DNAI3: variants seen among roughly 807,000 people sequenced by gnomAD.
The protein encoded by DNAI3 is dynein axonemal intermediate chain 3, also known as WD repeat domain 63.
In DNAI3, 83 loss-of-function variants were observed where a neutral mutation model predicts 115.5. The observed-to-expected ratio is 0.72, with a 90% CI of 0.60 to 0.86. The LOEUF is 0.86. Among genes scored for constraint, DNAI3 ranks in the 40% least tolerant of loss-of-function variants. The pLI is 0.00. For synonymous variants in DNAI3, 320 were observed against 347.0 expected, an observed-to-expected ratio of 0.92 and a Z score of 0.86; for missense variants, 1,004 against 1,075.8, an observed-to-expected ratio of 0.93 and a Z score of 0.93.
At chr1:85,125,952 T>G (rs1303492766) in intron 19 of DNAI3, among the ~76,000 whole-genome samples, 1 of 152,206 alleles carries the variant, frequency 6.6e-6, no homozygotes, top group Non-Finnish European at 1.5e-5. Context: ...GCTTTGATGG[T>G]CTAAAATCTC....
At chr1:85,088,279 G>A (rs2100574672) in intron 7 of DNAI3, among the ~76,000 whole-genome samples, 1 of 152,178 alleles carries the variant, frequency 6.6e-6, no homozygotes, top group East Asian at 1.9e-4. Context: ...TAATAATATT[G>A]GCAGTGTTCC....
chr1:85,130,140 G>A (rs767695803), intron 22 of DNAI3, 28 bp downstream of exon 22: 2 of 1,612,072 alleles, frequency 1.2e-6, no homozygotes, highest in Non-Finnish European at 1.7e-6. Context: ...AATGAAAGAT[G>A]TTTTCCTCGA....
intron 10 of DNAI3, among the ~76,000 whole-genome samples, chr1:85,094,981 T>C (rs1655084013): frequency 6.6e-6 from 1 of 152,194 alleles, no homozygotes; most frequent in South Asian, 2.1e-4. Context: ...ATTATCCATC[T>C]CTAGGCTGGC....
At chr1:85,129,917 T>C in intron 21 of DNAI3, 73 bp from the exon 22 acceptor site, 1 of 1,506,550 alleles carries the variant, frequency 6.6e-7, no homozygotes, top group Non-Finnish European at 8.9e-7. Flanking sequence ...GCAGCAGAAA[T>C]TCTAACAGAG....
At chr1:85,108,756 C>G (rs902162087) in intron 15 of DNAI3, among the ~76,000 whole-genome samples, 2 of 152,130 alleles carry the variant, frequency 1.3e-5, no homozygotes, top group Non-Finnish European at 2.9e-5. Flanking sequence ...GGTTTTTCAA[C>G]CTTTGCCTCC....
intron 7 of DNAI3, among the ~76,000 whole-genome samples, chr1:85,088,818 C>T (rs1053294423): frequency 6.6e-6 from 1 of 152,056 alleles, no homozygotes; most frequent in African/African-American, 2.4e-5. Context: ...GATAAAACCA[C>T]CAAGCAATAT....
At chr1:85,110,022 A>G (rs1330493074) in intron 15 of DNAI3, 26 bp from the exon 16 acceptor site, 17 of 1,601,106 alleles carry the variant, frequency 1.1e-5, no homozygotes, top group Non-Finnish European at 1.4e-5. Flanking sequence ...TGTGGAAATA[A>G]TCTTTGCTAT....
intron 11 of DNAI3, among the ~76,000 whole-genome samples, chr1:85,097,327 A>T (rs931857945): frequency 2.0e-5 from 3 of 152,180 alleles, no homozygotes; most frequent in African/African-American, 7.2e-5. Flanking sequence ...TGGATTTTTT[A>T]AAAATACTGG....
At chr1:85,121,615 T>C in intron 17 of DNAI3, 136 bp from the exon 18 acceptor site, 1 of 741,616 alleles carries the variant, frequency 1.3e-6, no homozygotes, top group East Asian at 2.7e-5. Context: ...TCTCCCCCAC[T>C]GGATCAAATT....
intron 7 of DNAI3, among the ~76,000 whole-genome samples, chr1:85,087,265 G>A (rs545778583): frequency 2.6e-5 from 4 of 151,670 alleles, no homozygotes; most frequent in Non-Finnish European, 4.4e-5. Flanking sequence ...GTGAAACCCC[G>A]TCTTTACTAA....
chr1:85,078,349 A>G (rs1437116055), intron 3 of DNAI3, among the ~76,000 whole-genome samples: 1 of 152,244 alleles, frequency 6.6e-6, no homozygotes, highest in Non-Finnish European at 1.5e-5. Context: ...AAATGAGTTA[A>G]TAATACACAT....
chr1:85,074,086 C>G (rs1654373430), intron 3 of DNAI3, among the ~76,000 whole-genome samples: 1 of 152,142 alleles, frequency 6.6e-6, no homozygotes, highest in South Asian at 2.1e-4. Flanking sequence ...CCACACCTCC[C>G]TACCCCTTTC....
At position 85,094,091 on chromosome 1, in the gene DNAI3, G is replaced by C. The variant is rs191820511; in HGVS notation, c.1049-340G>C. 296 of 407,434 alleles carry C rather than the reference G, an allele frequency of 7.3e-4. 1 individual carries two copies. Among genetic ancestry groups the C allele is most frequent in the Admixed American group, 2.9e-3 (83 of 28,214 alleles). 25.2% of individuals were successfully genotyped at this position (407,434 alleles called of 1,614,324 possible). A position where few individuals can be genotyped will look rare whatever the true frequency, so the allele number is the denominator to read the frequency against. ...GTGCAAAGATGGAAACATGGAAAGA[G>C]AGAGGTATTTGTCCTCTTTCTTCCT... On this transcript the variant is annotated intron_variant, in intron 9 of 22. Coordinates refer to ENST00000294664, the MANE Select transcript of DNAI3 (RefSeq NM_145172.5).
Position 85,073,085 on chromosome 1 carries a change from G to A in DNAI3, c.96G>A (p.Glu32=), listed in dbSNP as rs1034618613. 2 of 1,546,680 alleles carry A rather than the reference G, an allele frequency of 1.3e-6. No individual in the cohort carries two copies. The highest frequency in any genetic ancestry group is 1.9e-5 in the Admixed American group (1 of 53,808). ...ASEDMEPVNM[E]SMGHPEIYPL... ...AAGACATGGAACCAGTAAATATGGA[G>A]AGCATGGGTAAGTGGAAATATAATT... The change falls in exon 3 of 23, where the codon GAG becomes GAA. Residue 32 remains glutamate, a synonymous_variant. Transcript: ENST00000294664.
At chr1:85,110,686 A>T (rs557693824) in intron 16 of DNAI3, among the ~76,000 whole-genome samples, 2 of 152,140 alleles carry the variant, frequency 1.3e-5, no homozygotes, top group African/African-American at 4.8e-5. Flanking sequence ...ATATTTATTG[A>T]GCACATTTAT....
intron 19 of DNAI3, among the ~76,000 whole-genome samples, chr1:85,126,068 C>T (rs1656124898): frequency 6.6e-6 from 1 of 152,188 alleles, no homozygotes. Flanking sequence ...ACAGCTGGAA[C>T]TGGCAGACTT....
rs780570952 is a variant in DNAI3 at position 85,093,653 on chromosome 1, G to A, written c.1048+5G>A. On this transcript the variant is annotated splice_donor_5th_base_variant and intron_variant, in intron 9 of 22. Coordinates refer to ENST00000294664, the MANE Select transcript of DNAI3 (RefSeq NM_145172.5). ...CATGGCATCCAACTATCTATGGTGA[G>A]ATGGAAATGATGGGGATTCCCTTTT... The A allele has an allele frequency of 6.2e-7, 1 of 1,613,570 alleles. No individual in the cohort carries two copies. Among genetic ancestry groups the A allele is most frequent in the Admixed American group, 1.7e-5 (1 of 60,004 alleles).
Position 85,090,195 on chromosome 1 carries a change from A to G in DNAI3, c.820A>G (p.Lys274Glu). The G allele has an allele frequency of 6.3e-7, 1 of 1,584,882 alleles. No homozygotes were observed. Among genetic ancestry groups the G allele is most frequent in the Non-Finnish European group, 8.6e-7 (1 of 1,168,630 alleles). The change falls in exon 8 of 23, where the codon AAG becomes GAG. Residue 274 changes from lysine to glutamate, a missense_variant. Physicochemically the swap from Lys to Glu is moderately conservative, Grantham distance 56. This residue lies in a region of DNAI3 where 550 missense variants were observed against 568.1 expected (regional missense o/e 0.97). Transcript: ENST00000294664. ...EEEKETLKQS[K>E]PLVDFLNNAS... ...GGAAAAAGAGACACTCAAACAATCA[A>G]AGCCTTTGGTTGATTTTCTTAACAA...
intron 6 of DNAI3, 76 bp downstream of exon 6, chr1:85,084,771 GGTTTACTGT>G: frequency 7.8e-7 from 1 of 1,282,268 alleles, no homozygotes; most frequent in East Asian, 2.9e-5. Flanking sequence ...GGATTCATAA[GGTTTACTGT>G]GTTTGCTATG....
Sources: allele counts gnomAD v4.1 joint callset (sites outside exome capture counted in the v4.1 genomes callset), GRCh38; gene constraint gnomAD v4.1.1; regional missense constraint gnomAD v4.1.1; transcripts MANE v1.5; gene names NCBI Gene and HGNC (gene_info 2026-07-23, HGNC 2026-07-21).